Variants in UNC45A observed in about 807,000 individuals in gnomAD.
UNC45A encodes the protein unc-45 myosin chaperone A, also known as protein unc-45 homolog A.
A neutral mutation model predicts 103.2 loss-of-function variants in UNC45A; 78 were observed. The observed-to-expected ratio is 0.76, with a 90% CI of 0.63 to 0.91. The LOEUF is 0.91. Ranked by LOEUF, UNC45A falls within the 40% of genes least tolerant of loss-of-function variation. The pLI is 0.00. For synonymous variants in UNC45A, 495 were observed against 504.6 expected, an observed-to-expected ratio of 0.98 and a Z score of 0.25; for missense variants, 1,193 against 1,224.8, an observed-to-expected ratio of 0.97 and a Z score of 0.39.
At chr15:90,941,696 A>C (rs1188075671) in intron 6 of UNC45A, among the ~76,000 whole-genome samples, 2 of 152,060 alleles carry the variant, frequency 1.3e-5, no homozygotes, top group Non-Finnish European at 1.5e-5. Flanking sequence ...GCGGTGGCTC[A>C]TGCCTGTAAT....
chr15:90,949,002 G>A (rs532423942), intron 13 of UNC45A, among the ~76,000 whole-genome samples: 6 of 148,436 alleles, frequency 4.0e-5, no homozygotes, highest in African/African-American at 1.2e-4. Flanking sequence ...TCAGCCTCCC[G>A]AGTAGCTGGG....
upstream of UNC45A, chr15:90,930,557 C>A (rs1186941922): frequency 6.6e-6 from 1 of 152,306 alleles, no homozygotes; most frequent in Non-Finnish European, 1.5e-5. Flanking sequence ...TTAGTAGAGA[C>A]GGGGCCTCGC....
Position 90,942,990 on chromosome 15 carries a change from G to A in UNC45A, c.935G>A (p.Arg312Gln), listed in dbSNP as rs1445026721. 16 of 1,614,092 alleles carry A rather than the reference G, an allele frequency of 9.9e-6. No homozygotes were observed. The highest frequency in any genetic ancestry group is 4.4e-5 in the South Asian group (4 of 91,092). ...GAGGTGGGGGTCTCTGGCCAAGGCC[G>A]AGACAATGCCCTGACCCTCCTGATT... is the stretch of plus-strand genomic sequence containing the variant. ...LTEVGVSGQGRDNALTLLIKA... is the reference protein window; with the variant it reads ...LTEVGVSGQGQDNALTLLIKA... Residue 312 changes from arginine to glutamine, a missense_variant, in exon 8 of 20, where the codon CGA becomes CAA. Transcript: ENST00000418476.
chr15:90,946,939 T>C, intron 10 of UNC45A, 25 bp downstream of exon 10: 4 of 839,502 alleles, frequency 4.8e-6, no homozygotes, highest in Non-Finnish European at 5.7e-6. Flanking sequence ...CTGGGGTGGG[T>C]GGGCAGGCAG....
At chr15:90,949,008 C>G (rs2036740498) in intron 13 of UNC45A, among the ~76,000 whole-genome samples, 1 of 151,626 alleles carries the variant, frequency 6.6e-6, no homozygotes, top group African/African-American at 2.4e-5. Context: ...TCCCGAGTAG[C>G]TGGGACTACA....
intron 8 of UNC45A, among the ~76,000 whole-genome samples, chr15:90,943,986 GTTTTTTT>G (rs953436599): frequency 1.0e-4 from 8 of 78,320 alleles, no homozygotes; most frequent in African/African-American, 2.0e-4. Flanking sequence ...ATTGTGCCCT[GTTTTTTT>G]TTTTTTTTTT....
In UNC45A at chr15:90,950,544, C is replaced by T. The variant is rs1415311308; in HGVS notation, c.2232C>T (p.Asn744=). 3.7e-6 allele frequency: 6 copies of T among 1,614,080 alleles called. No individual in the cohort carries two copies. Among genetic ancestry groups the T allele is most frequent in the African/African-American group, 1.3e-5 (1 of 74,936 alleles). The change falls in exon 17 of 20, where the codon AAC becomes AAT. Residue 744 remains asparagine (N), a synonymous_variant. Transcript: ENST00000418476. ...VRPLVSLLHL[N]CSGLQNFEAL... ...CCCTCGTCTCCCTGTTGCACCTCAA[C>T]TGCTCAGGCCTGCAGAACTTCGAGG...
At chr15:90,936,154 G>A in intron 3 of UNC45A, 131 bp from the exon 4 acceptor site, 1 of 1,502,998 alleles carries the variant, frequency 6.7e-7, no homozygotes, top group Non-Finnish European at 8.9e-7. Context: ...CACCTTTTCT[G>A]AGGCTGAAGC....
intron 6 of UNC45A, 52 bp downstream of exon 6, chr15:90,940,525 C>T: frequency 6.4e-7 from 1 of 1,563,082 alleles, no homozygotes; most frequent in Non-Finnish European, 8.7e-7. Context: ...GTCTGTCTGT[C>T]CATCCATTCC....
rs540012234 is a variant in UNC45A at position 90,936,465 on chromosome 15, G to A, written c.426+5G>A. 4.3e-6 allele frequency: 7 copies of A among 1,613,784 alleles called. No individual in the cohort carries two copies. The African/African-American group carries it at 9.3e-5, about 22-fold the overall frequency. ...GGGGGCCAGATTCAGGAGAAGGTAT[G>A]TGAGTGACCCAGAGAGGTGGAAGCA... On this transcript the variant is annotated splice_donor_5th_base_variant and intron_variant, in intron 4 of 19. Coordinates refer to ENST00000418476, the MANE Select transcript of UNC45A (RefSeq NM_018671.5).
At position 90,950,269 on chromosome 15, in the gene UNC45A, T is replaced by A; in HGVS notation, c.2187+2T>A. The A allele has an allele frequency of 6.4e-7, 1 of 1,551,630 alleles. No individual in the cohort carries two copies. Among genetic ancestry groups the A allele is most frequent in the African/African-American group, 1.4e-5 (1 of 73,162 alleles). ...GAGATGACCTTCCCTGGCGAGCGGG[T>A]ACGTGTCTTCCTGCCCCGGCCTTTC... On this transcript the variant is annotated splice_donor_variant, in intron 16 of 19. Transcript: ENST00000418476. LOFTEE classifies it high-confidence loss of function.
At chr15:90,931,708 T>C, upstream of UNC45A, 1 of 1,614,126 alleles carries the variant, frequency 6.2e-7, no homozygotes, top group South Asian at 1.1e-5. Flanking sequence ...GCGTACCCTC[T>C]GGGGTGCAGC....
upstream of UNC45A, chr15:90,933,934 A>C (rs1402411736): frequency 2.5e-6 from 1 of 397,294 alleles, no homozygotes; most frequent in Non-Finnish European, 4.4e-6. Flanking sequence ...AATGGTGCCC[A>C]AGGGCCTTGG....
upstream of UNC45A, chr15:90,932,604 G>GGC (rs1274183586): frequency 3.8e-6 from 4 of 1,053,698 alleles, no homozygotes; most frequent in Non-Finnish European, 4.9e-6. Context: ...AGCGCCCCCT[G>GGC]GCGCCGGGGA....
chr15:90,949,676 G>A lies in UNC45A; in HGVS notation c.2029G>A (p.Glu677Lys). The A allele has an allele frequency of 6.2e-7, 1 of 1,614,196 alleles. No homozygotes were observed. The highest frequency in any genetic ancestry group is 8.5e-7 in the Non-Finnish European group (1 of 1,180,030). Reference sequence around the variant, plus strand: ...CAGGGTCTTCTTGGCTTTAGTGGAAGAGGTAGAGGACCGAGGCACTGTGGT... The same window carrying A: ...CAGGGTCTTCTTGGCTTTAGTGGAAAAGGTAGAGGACCGAGGCACTGTGGT... ...LSRVFLALVE[E>K]VEDRGTVVAQ... The change falls in exon 15 of 20, where the codon GAG becomes AAG. Residue 677 changes from glutamate (E) to lysine (K), a missense_variant. By Grantham distance (56) the Glu-to-Lys change is moderately conservative (BLOSUM62 1). Transcript: ENST00000418476.
chr15:90,946,867 C>T lies in UNC45A; in HGVS notation c.1453C>T (p.Leu485=), dbSNP rs762244260. ...TANGVSLLKD[L]YKCSEKDSIR... ...CAATGGTGTCTCGCTGCTGAAGGACCTATATAAGTGCAGCGAGAAGGACAG... is the reference window on the plus strand; with the variant it reads ...CAATGGTGTCTCGCTGCTGAAGGACTTATATAAGTGCAGCGAGAAGGACAG... The change falls in exon 10 of 20, where the codon CTA becomes TTA. Residue 485 remains leucine (L), a synonymous_variant. Coordinates refer to ENST00000418476, the MANE Select transcript of UNC45A (RefSeq NM_018671.5). 1.3e-6 allele frequency: 2 copies of T among 1,577,500 alleles called. No individual in the cohort carries two copies. Among genetic ancestry groups the T allele is most frequent in the South Asian group, 2.2e-5 (2 of 90,678 alleles).
In UNC45A at chr15:90,935,955, G is replaced by A. The variant is rs201273337; in HGVS notation, c.223G>A (p.Asp75Asn). The change falls in exon 3 of 20, where the codon GAC becomes AAC. Residue 75 changes from aspartate to asparagine, a missense_variant. Coordinates refer to ENST00000418476, the MANE Select transcript of UNC45A (RefSeq NM_018671.5). The stretch of plus-strand genomic sequence containing the variant: ...TGTCTTTCTCTTACAGGAAGATTAC[G>A]ACAAAGCAGAAACAGAGGCATCCAA... ...AACHLKLEDYDKAETEASKAI... is the reference protein window; with the variant it reads ...AACHLKLEDYNKAETEASKAI... The A allele has an allele frequency of 4.3e-6, 7 of 1,613,978 alleles. No individual in the cohort carries two copies. The highest frequency in any genetic ancestry group is 5.9e-6 in the Non-Finnish European group (7 of 1,180,032).
At chr15:90,939,452 C>T (rs1057314966) in intron 4 of UNC45A, among the ~76,000 whole-genome samples, 1 of 152,200 alleles carries the variant, frequency 6.6e-6, no homozygotes, top group Non-Finnish European at 1.5e-5. Flanking sequence ...TGGGTTGCCT[C>T]GTAGCTGACA....
chr15:90,949,880 A>T (rs868281004), intron 15 of UNC45A, 160 bp downstream of exon 15: 12 of 815,888 alleles, frequency 1.5e-5, no homozygotes, highest in Middle Eastern at 3.1e-4. Flanking sequence ...GGAAGCAGGC[A>T]AGCTCCTTGG....
Sources: allele counts gnomAD v4.1 joint callset (sites outside exome capture counted in the v4.1 genomes callset), GRCh38; gene constraint gnomAD v4.1.1; transcripts MANE v1.5; gene names NCBI Gene and HGNC (gene_info 2026-07-23, HGNC 2026-07-21).